The following ACTR3B variants were observed in gnomAD, a reference collection of about 807,000 sequenced individuals.
ACTR3B encodes the protein actin-related protein 3B.
ACTR3B carries 8 observed loss-of-function variants against 59.0 expected under a neutral mutation model. The ratio of observed to expected loss-of-function variants is 0.14; its 90% confidence interval spans 0.08 to 0.24. The LOEUF (loss-of-function observed/expected upper bound fraction) is 0.24, where lower values mean the gene tolerates loss of function less well. ACTR3B is among the 10% of genes least tolerant of loss of function. ACTR3B has a pLI of 1.00. For synonymous variants in ACTR3B, 148 were observed against 197.9 expected (o/e 0.75, Z 2.12); for missense variants, 245 against 552.3 (o/e 0.44, Z 5.58).
At chr7:152,818,560 C>T (rs1362689088) in intron 6 of ACTR3B, among the ~76,000 whole-genome samples, 2 of 152,178 alleles carry the variant, frequency 1.3e-5, no homozygotes, top group South Asian at 2.1e-4. Context: ...AAGCGATTCT[C>T]CTGCCTCGGC....
intron 4 of ACTR3B, among the ~76,000 whole-genome samples, chr7:152,805,285 T>TGAGG (rs958324648): frequency 4.6e-5 from 7 of 151,344 alleles, no homozygotes; most frequent in African/African-American, 1.5e-4. Flanking sequence ...GAAACTCACT[T>TGAGG]GAGGGAGGGA....
chr7:152,787,682 G>A lies in ACTR3B; in HGVS notation c.100+4440G>A, dbSNP rs572781313. Among the ~76,000 whole-genome samples the A allele has an allele frequency of 3.9e-5, 6 of 152,124 alleles. No homozygotes were observed. The South Asian group carries it at 1.2e-3, about 32-fold the overall frequency. The stretch of plus-strand genomic sequence containing the variant: ...TTTGGCACACCTCTTTGATCATATC[G>A]AGGTACCATTTATGCTTGGGAATGT... On this transcript the variant is annotated intron_variant, in intron 2 of 11. Transcript: ENST00000256001.
chr7:152,760,019 G>A, intron 1 of ACTR3B, 93 bp downstream of exon 1: 2 of 1,160,540 alleles, frequency 1.7e-6, no homozygotes, highest in South Asian at 2.8e-5. Context: ...TGCGTCCGTC[G>A]CCCCGGGCTT....
chr7:152,829,112 G>T (rs1796823118), intron 9 of ACTR3B, among the ~76,000 whole-genome samples: 1 of 151,932 alleles, frequency 6.6e-6, no homozygotes, highest in African/African-American at 2.4e-5. Context: ...AAGGTGCACA[G>T]TGTGATGATT....
At chr7:152,780,065 A>G (rs748018339) in intron 1 of ACTR3B, among the ~76,000 whole-genome samples, 41 of 152,254 alleles carry the variant, frequency 2.7e-4, no homozygotes, top group Middle Eastern at 6.8e-3. Context: ...ACACATAAGA[A>G]TATTAGGGCC....
chr7:152,795,274 TGAC>T (rs968160890), intron 2 of ACTR3B, among the ~76,000 whole-genome samples: 1 of 152,256 alleles, frequency 6.6e-6, no homozygotes, highest in African/African-American at 2.4e-5. Flanking sequence ...CTTGAATTCT[TGAC>T]CTCAGGTGAT....
At chr7:152,778,800 G>A (rs2098142581) in intron 1 of ACTR3B, among the ~76,000 whole-genome samples, 1 of 151,372 alleles carries the variant, frequency 6.6e-6, no homozygotes, top group South Asian at 2.1e-4. Flanking sequence ...AAACTTAGCC[G>A]GGTGTGATGG....
chr7:152,829,257 C>T (rs1282551054), intron 9 of ACTR3B, among the ~76,000 whole-genome samples: 2 of 152,006 alleles, frequency 1.3e-5, no homozygotes, highest in Admixed American at 1.3e-4. Flanking sequence ...TCCACTACAC[C>T]GTACCCTCTT....
chr7:152,803,928 G>A lies in ACTR3B; in HGVS notation c.336+2197G>A, dbSNP rs545801711. Among the ~76,000 whole-genome samples, 3 of 152,114 alleles carry A rather than the reference G, an allele frequency of 2.0e-5. No homozygotes were observed. The South Asian group carries it at 6.2e-4, about 32-fold the overall frequency. On this transcript the variant is annotated intron_variant, in intron 4 of 11. Coordinates refer to ENST00000256001, the MANE Select transcript of ACTR3B (RefSeq NM_020445.6). Reference sequence around the variant, plus strand: ...TTCCTTCAGGTATTTGTCCTTAACCGTATGTTAATGGAATAGTTAAAGGGG... The same window carrying A: ...TTCCTTCAGGTATTTGTCCTTAACCATATGTTAATGGAATAGTTAAAGGGG...
intron 1 of ACTR3B, among the ~76,000 whole-genome samples, chr7:152,773,156 A>G (rs940361045): frequency 1.2e-4 from 17 of 139,460 alleles, no homozygotes; most frequent in African/African-American, 4.2e-4. Flanking sequence ...TTAAAACAAG[A>G]GTAAGACTGT....
chr7:152,789,727 T>C (rs984410454), intron 2 of ACTR3B, among the ~76,000 whole-genome samples: 2 of 152,042 alleles, frequency 1.3e-5, no homozygotes, highest in African/African-American at 4.8e-5. Context: ...AGAACTTCTA[T>C]TAAAATAGTG....
intron 6 of ACTR3B, among the ~76,000 whole-genome samples, chr7:152,818,875 C>T (rs887012785): frequency 3.3e-5 from 5 of 152,166 alleles, no homozygotes; most frequent in Non-Finnish European, 7.4e-5. Flanking sequence ...TTATATTTTG[C>T]GTATTAATTT....
chr7:152,836,932 G>A (rs1414557441), intron 9 of ACTR3B, among the ~76,000 whole-genome samples: 1 of 152,208 alleles, frequency 6.6e-6, no homozygotes, highest in Non-Finnish European at 1.5e-5. Flanking sequence ...GCACTTTAGG[G>A]GGCTGAGGAA....
intron 1 of ACTR3B, among the ~76,000 whole-genome samples, chr7:152,762,771 C>CT (rs1177087782): frequency 6.6e-6 from 1 of 152,048 alleles, no homozygotes. Context: ...ATTTCTTAAC[C>CT]TTTTTTTGTC....
At chr7:152,760,903 T>C (rs774450178) in intron 1 of ACTR3B, among the ~76,000 whole-genome samples, 1 of 152,152 alleles carries the variant, frequency 6.6e-6, no homozygotes, top group Non-Finnish European at 1.5e-5. Context: ...CTCTTAGCGA[T>C]TTTTTTCAAG....
At chr7:152,763,496 T>C (rs1229200251) in intron 1 of ACTR3B, among the ~76,000 whole-genome samples, 2 of 152,006 alleles carry the variant, frequency 1.3e-5, no homozygotes, top group African/African-American at 4.8e-5. Context: ...CAATCTCTGC[T>C]CACTGCAACC....
chr7:152,826,824 A>G (rs1590382936), intron 9 of ACTR3B, among the ~76,000 whole-genome samples: 5 of 148,250 alleles, frequency 3.4e-5, no homozygotes. Context: ...TTTAGTAGAT[A>G]ATGACACTGA....
chr7:152,845,977 A>G (rs1481551275), intron 9 of ACTR3B, among the ~76,000 whole-genome samples: 2 of 152,268 alleles, frequency 1.3e-5, no homozygotes. Context: ...AAAACATTCA[A>G]ATGATTGTTA....
At chr7:152,776,665 T>C (rs983757416) in intron 1 of ACTR3B, among the ~76,000 whole-genome samples, 7 of 152,222 alleles carry the variant, frequency 4.6e-5, no homozygotes, top group African/African-American at 1.7e-4. Context: ...GGAAATATTA[T>C]CCAAAAATGG....
Sources: allele counts gnomAD v4.1 joint callset (sites outside exome capture counted in the v4.1 genomes callset), GRCh38; gene constraint gnomAD v4.1.1; transcripts MANE v1.5; gene names NCBI Gene and HGNC (gene_info 2026-07-23, HGNC 2026-07-21).